The following COMMD10 variants were observed in gnomAD, a reference collection of about 807,000 sequenced individuals.
COMMD10 encodes COMM domain containing 10.
A neutral mutation model predicts 28.9 loss-of-function variants in COMMD10; 33 were observed. That is an observed-to-expected ratio of 1.14 (90% CI 0.87 to 1.53). The LOEUF (loss-of-function observed/expected upper bound fraction) is 1.53. COMMD10 is among the 40% of genes most tolerant of loss of function. The pLI is 0.00. For missense variants in COMMD10, 310 were observed against 233.4 expected (o/e 1.33, Z -2.14); for synonymous variants, 110 against 81.7 (o/e 1.35, Z -1.87).
intron 5 of COMMD10, among the ~76,000 whole-genome samples, chr5:116,202,125 G>C (rs184539032): frequency 2.6e-3 from 383 of 147,334 alleles, no homozygotes; most frequent in African/African-American, 8.7e-3. Context: ...CTATGAATGA[G>C]AACATGCAGT....
intron 5 of COMMD10, among the ~76,000 whole-genome samples, chr5:116,148,873 T>A (rs1328857476): frequency 1.3e-5 from 2 of 151,966 alleles, no homozygotes; most frequent in Admixed American, 6.6e-5. Context: ...CTTTAAGTTT[T>A]AAGTTTTAGG....
chr5:116,207,976 G>T (rs528283742), intron 5 of COMMD10, among the ~76,000 whole-genome samples: 1 of 152,162 alleles, frequency 6.6e-6, no homozygotes, highest in Non-Finnish European at 1.5e-5. Context: ...TGGAGTTGCG[G>T]TTTAGTAGAG....
At chr5:116,281,550 T>G (rs1162229509) in intron 5 of COMMD10, among the ~76,000 whole-genome samples, 1 of 151,690 alleles carries the variant, frequency 6.6e-6, no homozygotes, top group Non-Finnish European at 1.5e-5. Context: ...GAGATCAGCA[T>G]AGACAATATA....
rs112121146 is a variant in COMMD10 at position 116,094,712 on chromosome 5, T to C, written c.399+2012T>C. Reference sequence around the variant, plus strand: ...AGGAAATCGGTATATTAAAGAAATATTTGTACCCCTGTGTTTGTTGCAACA... The same window carrying C: ...AGGAAATCGGTATATTAAAGAAATACTTGTACCCCTGTGTTTGTTGCAACA... On this transcript the variant is annotated intron_variant, in intron 4 of 6. Transcript: ENST00000274458. Among the ~76,000 whole-genome samples, 203 of 152,302 alleles carry C rather than the reference T, an allele frequency of 1.3e-3. 1 individual carries two copies. Among genetic ancestry groups the C allele is most frequent in the African/African-American group, 4.7e-3 (194 of 41,576 alleles).
chr5:116,154,094 G>A (rs148451721), intron 5 of COMMD10, among the ~76,000 whole-genome samples: 3 of 152,042 alleles, frequency 2.0e-5, no homozygotes, highest in Non-Finnish European at 4.4e-5. Context: ...GTGTCTGAGG[G>A]GACCTGAGTT....
At chr5:116,220,927 A>G (rs1365497438) in intron 5 of COMMD10, among the ~76,000 whole-genome samples, 1 of 152,116 alleles carries the variant, frequency 6.6e-6, no homozygotes. Context: ...AGCGTTAATC[A>G]CTAGGTGAGG....
Position 116,274,395 on chromosome 5 carries a change from C to T in COMMD10, c.511-17122C>T, listed in dbSNP as rs1750846145. Among the ~76,000 whole-genome samples, 7 of 151,882 alleles carry T rather than the reference C, an allele frequency of 4.6e-5. No homozygotes were observed. In the South Asian group the frequency reaches 1.5e-3, roughly 31 times the overall value. On this transcript the variant is annotated intron_variant, in intron 5 of 6. Transcript: ENST00000274458. ...GTTACAACACAAAAGTAGGCTTAGA[C>T]ACTATATAAAAGAATGAGTGTGGCT...
At chr5:116,151,941 G>C (rs1255002890) in intron 5 of COMMD10, among the ~76,000 whole-genome samples, 6 of 152,112 alleles carry the variant, frequency 3.9e-5, no homozygotes, top group African/African-American at 4.8e-5. Context: ...TGTTTTAATT[G>C]TGATGTTAGG....
At chr5:116,216,615 T>G (rs1749107682) in intron 5 of COMMD10, among the ~76,000 whole-genome samples, 1 of 152,206 alleles carries the variant, frequency 6.6e-6, no homozygotes. Flanking sequence ...CACTGCAACC[T>G]GTGCCTCCCG....
intron 5 of COMMD10, among the ~76,000 whole-genome samples, chr5:116,144,663 G>A (rs1752289524): frequency 6.6e-6 from 1 of 151,784 alleles, no homozygotes. Flanking sequence ...AGAGAAGAAT[G>A]GACATGTGAC....
At chr5:116,086,241 C>T (rs941564682) in intron 1 of COMMD10, among the ~76,000 whole-genome samples, 1 of 152,220 alleles carries the variant, frequency 6.6e-6, no homozygotes, top group African/African-American at 2.4e-5. Context: ...TTCCCAGCCT[C>T]CTGACCCTAT....
intron 5 of COMMD10, among the ~76,000 whole-genome samples, chr5:116,170,694 C>T (rs1042817993): frequency 1.3e-5 from 2 of 152,114 alleles, no homozygotes; most frequent in African/African-American, 4.8e-5. Context: ...CATCTACAAC[C>T]ATCTGATCTT....
intron 5 of COMMD10, among the ~76,000 whole-genome samples, chr5:116,182,469 G>T (rs1748004097): frequency 6.6e-6 from 1 of 151,994 alleles, no homozygotes; most frequent in African/African-American, 2.4e-5. Context: ...AAAAAAGTCA[G>T]TTGAGGTGAT....
At chr5:116,153,494 C>A (rs1752604252) in intron 5 of COMMD10, among the ~76,000 whole-genome samples, 1 of 152,048 alleles carries the variant, frequency 6.6e-6, no homozygotes, top group Admixed American at 6.6e-5. Context: ...AATCATCATA[C>A]CTGATAACAC....
chr5:116,145,255 G>T (rs1367692069), intron 5 of COMMD10, among the ~76,000 whole-genome samples: 1 of 151,858 alleles, frequency 6.6e-6, no homozygotes, highest in Non-Finnish European at 1.5e-5. Flanking sequence ...TTACTACACA[G>T]TGCTGATTGC....
chr5:116,175,257 G>A (rs1247951270), intron 5 of COMMD10, among the ~76,000 whole-genome samples: 2 of 151,026 alleles, frequency 1.3e-5, no homozygotes, highest in East Asian at 2.0e-4. Flanking sequence ...CTTAAGGGCA[G>A]TGGCTTTAAA....
intron 1 of COMMD10, among the ~76,000 whole-genome samples, chr5:116,086,092 C>G (rs1327634994): frequency 6.6e-6 from 1 of 152,144 alleles, no homozygotes; most frequent in African/African-American, 2.4e-5. Flanking sequence ...TAAATACCCT[C>G]TAGAGGATTC....
In COMMD10 at chr5:116,281,595, A is replaced by G. The variant is rs957380693; in HGVS notation, c.511-9922A>G. Among the ~76,000 whole-genome samples, 64 of 151,754 alleles carry G rather than the reference A, an allele frequency of 4.2e-4. 2 individuals are homozygous for G. The highest frequency in any genetic ancestry group is 1.5e-4 in the Non-Finnish European group (10 of 67,998). On this transcript the variant is annotated intron_variant, in intron 5 of 6. Coordinates refer to ENST00000274458, the MANE Select transcript of COMMD10 (RefSeq NM_016144.4). ...TTTATTAAGGAAGTTCTTAGTTGTAATCTTATATGTACAAGCAGAAGAGAG... is the reference window on the plus strand; with the variant it reads ...TTTATTAAGGAAGTTCTTAGTTGTAGTCTTATATGTACAAGCAGAAGAGAG...
At chr5:116,272,351 C>G (rs905851834) in intron 5 of COMMD10, among the ~76,000 whole-genome samples, 5 of 151,832 alleles carry the variant, frequency 3.3e-5, no homozygotes, top group Non-Finnish European at 7.4e-5. Flanking sequence ...TAAAATTGCT[C>G]TGTGTGATTA....
Sources: allele counts gnomAD v4.1 joint callset (sites outside exome capture counted in the v4.1 genomes callset), GRCh38; gene constraint gnomAD v4.1.1; transcripts MANE v1.5; gene names NCBI Gene and HGNC (gene_info 2026-07-23, HGNC 2026-07-21).